Variants in LMBR1 observed in about 807,000 individuals in gnomAD.
The protein encoded by LMBR1 is limb region 1 protein homolog.
LMBR1 carries 52 observed loss-of-function variants against 73.9 expected under a neutral mutation model. That is an observed-to-expected ratio of 0.70 (90% CI 0.56 to 0.89). The LOEUF is 0.89. Among genes scored for constraint, LMBR1 ranks in the 40% least tolerant of loss-of-function variants. LMBR1 has a pLI of 0.00. For missense variants in LMBR1, 539 were observed against 579.8 expected (o/e 0.93, Z 0.72); for synonymous variants, 215 against 209.4 (o/e 1.03, Z -0.23).
At chr7:156,775,257 A>G (rs10276676) in intron 5 of LMBR1, among the ~76,000 whole-genome samples, 9,191 of 152,120 alleles carry the variant, frequency 0.06, 373 homozygotes, top group East Asian at 0.15. Context: ...AATCCCAGCT[A>G]CTCAGGAGGC....
At chr7:156,813,018 G>A (rs1328962531) in intron 4 of LMBR1, among the ~76,000 whole-genome samples, 1 of 152,074 alleles carries the variant, frequency 6.6e-6, no homozygotes, top group Non-Finnish European at 1.5e-5. Flanking sequence ...AGGTGGGAGG[G>A]TATATATCCA....
At chr7:156,738,671 C>A (rs926741056) in intron 9 of LMBR1, among the ~76,000 whole-genome samples, 2 of 152,300 alleles carry the variant, frequency 1.3e-5, no homozygotes, top group Non-Finnish European at 1.5e-5. Flanking sequence ...CATGAGGGCC[C>A]CATTCTAGGC....
rs1016683511 is a variant in LMBR1, at chr7:156,669,411, G to A, written n.867-124C>T. ...AGGGGTGAGATGTTTGAAATAAGGT[G>A]GAAATGTCTGAGGAGATGCACCCTG... On this transcript the variant is annotated intron_variant and non_coding_transcript_variant, in intron 4 of 4. Coordinates refer to the LMBR1 transcript ENST00000430825. This position sits in a 1 kb window ranked among gnomAD's most constrained non-coding sequence, Gnocchi z 4.2. 1 of 152,236 alleles carries A rather than the reference G, an allele frequency of 6.6e-6. No homozygotes were observed. Among genetic ancestry groups the A allele is most frequent in the Non-Finnish European group, 1.5e-5 (1 of 68,062 alleles). 9.4% of individuals were successfully genotyped at this position (152,236 alleles called of 1,614,324 possible).
chr7:156,783,960 G>C (rs192893837), intron 5 of LMBR1, among the ~76,000 whole-genome samples: 105 of 147,656 alleles, frequency 7.1e-4, no homozygotes, highest in African/African-American at 2.5e-3. Context: ...TCTTCTTGTT[G>C]TATTTTGTTT....
chr7:156,881,559 T>C (rs1008711998), intron 1 of LMBR1, among the ~76,000 whole-genome samples: 10 of 152,168 alleles, frequency 6.6e-5, no homozygotes, highest in African/African-American at 2.2e-4. Flanking sequence ...TGAGAGAAAA[T>C]ATCTACAAAC....
intron 1 of LMBR1, among the ~76,000 whole-genome samples, chr7:156,870,371 A>C (rs1799091034): frequency 6.6e-6 from 1 of 152,262 alleles, no homozygotes; most frequent in Non-Finnish European, 1.5e-5. Flanking sequence ...GTATTTTCTG[A>C]CTATAAAAGA....
chr7:156,673,316 A>G (rs1802999548), downstream of LMBR1, among the ~76,000 whole-genome samples: 1 of 152,234 alleles, frequency 6.6e-6, no homozygotes, highest in Non-Finnish European at 1.5e-5. Flanking sequence ...TGAATTACAA[A>G]GCATCAATTG....
intron 2 of LMBR1, among the ~76,000 whole-genome samples, chr7:156,835,527 T>A (rs1263617188): frequency 6.6e-6 from 1 of 152,042 alleles, no homozygotes; most frequent in Non-Finnish European, 1.5e-5. Context: ...AAGCCCTGTC[T>A]CTATTAAAAA....
Position 156,679,104 on chromosome 7 carries a change from A to G in LMBR1, c.*4974T>C, listed in dbSNP as rs1804570759. On this transcript the variant is annotated 3_prime_UTR_variant, in exon 17 of 17. Transcript: ENST00000353442. ...GTATTTACATCCAGTTCATCTGCCCACTGTAAGCGTGACCCCAGGCAAATG... is the reference window on the plus strand; with the variant it reads ...GTATTTACATCCAGTTCATCTGCCCGCTGTAAGCGTGACCCCAGGCAAATG... 6.6e-6 allele frequency: 1 copy of G among 152,194 alleles called. No homozygotes were observed. Among genetic ancestry groups the G allele is most frequent in the South Asian group, 2.1e-4 (1 of 4,832 alleles). 9.4% of individuals were successfully genotyped at this position (152,194 alleles called of 1,614,324 possible). A position where few individuals can be genotyped will look rare whatever the true frequency, so the allele number is the denominator to read the frequency against.
intron 15 of LMBR1, among the ~76,000 whole-genome samples, chr7:156,716,993 G>A (rs1813355569): frequency 6.6e-6 from 1 of 152,100 alleles, no homozygotes; most frequent in African/African-American, 2.4e-5. Context: ...AAAAAGTTTA[G>A]CTGGGTGTGG....
intron 5 of LMBR1, among the ~76,000 whole-genome samples, chr7:156,764,415 T>C (rs1479566027): frequency 1.3e-5 from 2 of 152,218 alleles, no homozygotes; most frequent in South Asian, 2.1e-4. Context: ...ATGCACAACT[T>C]TGTTTTAAAT....
chr7:156,857,492 T>C (rs963281175), intron 1 of LMBR1, among the ~76,000 whole-genome samples: 5 of 152,166 alleles, frequency 3.3e-5, no homozygotes, highest in Non-Finnish European at 7.4e-5. Context: ...AATAGATGAA[T>C]CTACTATTAT....
In LMBR1 at chr7:156,681,433, A is replaced by T. The variant is rs1270197371; in HGVS notation, c.*2645T>A. 6.1e-6 allele frequency: 1 copy of T among 164,920 alleles called. No individual in the cohort carries two copies. Among genetic ancestry groups the T allele is most frequent in the Admixed American group, 6.4e-5 (1 of 15,510 alleles). 10.2% of individuals were successfully genotyped at this position (164,920 alleles called of 1,614,324 possible). On this transcript the variant is annotated 3_prime_UTR_variant, in exon 17 of 17. Coordinates refer to ENST00000353442, the MANE Select transcript of LMBR1 (RefSeq NM_022458.4). ...ATTTAGAGGTCTATTTTTACAGAGA[A>T]TGTACATAAAGCTACGTAAATAGTA...
chr7:156,724,764 C>CTGTGTG (rs71189961), intron 14 of LMBR1, among the ~76,000 whole-genome samples: 1,789 of 146,512 alleles, frequency 0.012, 23 homozygotes, highest in African/African-American at 0.03. Context: ...AAAGAAATAG[C>CTGTGTG]TGTGTGTGTG....
At position 156,669,580 on chromosome 7, in the gene LMBR1, C is replaced by A. The variant is rs1008235593; in HGVS notation, n.867-293G>T. ...TTCCAGGACCCAGACCCCTGTGAGG[C>A]CCTGAGCTGGGCGCTGAGCAGATAG... On this transcript the variant is annotated intron_variant and non_coding_transcript_variant, in intron 4 of 4. Coordinates refer to the LMBR1 transcript ENST00000430825. This position sits in a 1 kb window ranked among gnomAD's most constrained non-coding sequence, Gnocchi z 4.2. Among the ~76,000 whole-genome samples the A allele has an allele frequency of 6.6e-6, 1 of 152,266 alleles. No homozygotes were observed. Among genetic ancestry groups the A allele is most frequent in the Middle Eastern group, 3.4e-3 (1 of 294 alleles).
At chr7:156,726,360 A>G (rs1815751360) in intron 12 of LMBR1, among the ~76,000 whole-genome samples, 1 of 152,200 alleles carries the variant, frequency 6.6e-6, no homozygotes, top group Non-Finnish European at 1.5e-5. Context: ...ATTCAGAGTT[A>G]CAAAGGATGT....
Position 156,796,141 on chromosome 7 carries a change from T to C in LMBR1, c.423+248A>G, listed in dbSNP as rs1173399242. 1.3e-5 allele frequency among the ~76,000 whole-genome samples: 2 copies of C among 152,224 alleles called. No individual in the cohort carries two copies. Among genetic ancestry groups the C allele is most frequent in the Admixed American group, 6.5e-5 (1 of 15,278 alleles). On this transcript the variant is annotated intron_variant, in intron 5 of 16. Transcript: ENST00000353442. ...AATAAAAGCTATTATATCAGGTTTA[T>C]CCATTACACTAGATGTATGCATACT...
intron 9 of LMBR1, among the ~76,000 whole-genome samples, chr7:156,744,119 G>C (rs978911964): frequency 3.9e-5 from 6 of 151,984 alleles, no homozygotes; most frequent in African/African-American, 1.5e-4. Context: ...TACTGCCCAG[G>C]CTGGACTCGA....
Position 156,680,794 on chromosome 7 carries a change from A to T in LMBR1, c.*3284T>A, listed in dbSNP as rs1804893988. 1 of 196,790 alleles carries T rather than the reference A, an allele frequency of 5.1e-6. No homozygotes were observed. The highest frequency in any genetic ancestry group is 2.4e-5 in the African/African-American group (1 of 41,694). 12.2% of individuals were successfully genotyped at this position (196,790 alleles called of 1,614,324 possible). A position where few individuals can be genotyped will look rare whatever the true frequency, so the allele number is the denominator to read the frequency against. On this transcript the variant is annotated 3_prime_UTR_variant, in exon 17 of 17. Transcript: ENST00000353442. ...ATGGAATTAAACTATAAATACCCTT[A>T]AGTTTTAGCCATGATAATATTTAAG... is the stretch of plus-strand genomic sequence containing the variant.
Sources: gnomAD v4.1 joint callset for allele counts (sites outside exome capture counted in the v4.1 genomes callset) on GRCh38, gnomAD v4.1.1 for gene constraint, Gnocchi (gnomAD v3.1) non-coding constraint, MANE v1.5 for transcripts, NCBI Gene and HGNC (gene_info 2026-07-23, HGNC 2026-07-21) for gene names.